SQLE: variants seen among roughly 807,000 people sequenced by gnomAD.
SQLE encodes squalene monooxygenase.
In SQLE, 29 loss-of-function variants were observed where a neutral mutation model predicts 60.7. The observed-to-expected ratio is 0.48, with a 90% confidence interval of 0.36 to 0.65. The LOEUF is 0.65. Ranked by LOEUF, SQLE falls within the 30% of genes least tolerant of loss-of-function variation. SQLE has a pLI of 0.00. For synonymous variants in SQLE, 237 were observed against 246.8 expected (o/e 0.96, Z 0.37); for missense variants, 605 against 684.1 (o/e 0.88, Z 1.29).
intron 1 of SQLE, chr8:125,000,093 A>C: frequency 2.2e-6 from 1 of 460,234 alleles, no homozygotes; most frequent in Non-Finnish European, 4.3e-6. Context: ...GCTTGTAAGA[A>C]GTGACAGCTG....
Position 124,998,651 on chromosome 8 carries a change from C to G in SQLE, c.-753C>G, listed in dbSNP as rs900195934. On this transcript the variant is annotated 5_prime_UTR_variant, in exon 1 of 11. Transcript: ENST00000265896. Reference sequence around the variant, plus strand: ...CGCCGCCGCCATCTGAGGGAGGTACCCTGGAAACCACCTTTTATCGGTGGG... The same window carrying G: ...CGCCGCCGCCATCTGAGGGAGGTACGCTGGAAACCACCTTTTATCGGTGGG... The G allele has an allele frequency of 3.0e-6, 2 of 671,276 alleles. No individual in the cohort carries two copies. Among genetic ancestry groups the G allele is most frequent in the African/African-American group, 3.7e-5 (2 of 54,508 alleles). 41.6% of individuals were successfully genotyped at this position (671,276 alleles called of 1,614,324 possible).
At chr8:125,019,872 A>C (rs985989709) in intron 9 of SQLE, among the ~76,000 whole-genome samples, 2 of 151,528 alleles carry the variant, frequency 1.3e-5, no homozygotes, top group East Asian at 1.9e-4. Context: ...AAAAAACAAA[A>C]CAAAAACCCC....
In SQLE at chr8:125,005,623, A is replaced by G; in HGVS notation, c.643A>G (p.Asn215Asp). The change falls in exon 3 of 11, where the codon AAC (asparagine) becomes GAC (aspartate). Residue 215 changes from asparagine to aspartate, a missense_variant. Transcript: ENST00000265896. Reference sequence around the variant, plus strand: ...TCAGATTCCTTACCCTCTGTCAGAAAACAATCAAGTGCAGAGTGGAAGAGC... The same window carrying G: ...TCAGATTCCTTACCCTCTGTCAGAAGACAATCAAGTGCAGAGTGGAAGAGC... ...EVQIPYPLSENNQVQSGRAFH... is the reference protein window; with the variant it reads ...EVQIPYPLSEDNQVQSGRAFH... 1 of 1,612,496 alleles carries G rather than the reference A, an allele frequency of 6.2e-7. No homozygotes were observed. Among genetic ancestry groups the G allele is most frequent in the South Asian group, 1.1e-5 (1 of 90,824 alleles).
chr8:125,000,120 G>T (rs1415949389), intron 1 of SQLE: 2 of 442,508 alleles, frequency 4.5e-6, no homozygotes, highest in Non-Finnish European at 8.9e-6. Flanking sequence ...GAAAGTGACA[G>T]AACAGTTTGA....
chr8:125,002,520 A>C (rs536143970), intron 1 of SQLE, among the ~76,000 whole-genome samples: 1 of 152,284 alleles, frequency 6.6e-6, no homozygotes, highest in African/African-American at 2.4e-5. Context: ...TCTACTAAAA[A>C]TACAAAATTA....
chr8:125,000,181 T>A (rs1314273911), intron 1 of SQLE: 1 of 388,996 alleles, frequency 2.6e-6, no homozygotes, highest in East Asian at 7.2e-5. Flanking sequence ...GGGCTCAAAG[T>A]TCTCCTCCCC....
rs1814809814 is a variant in SQLE at position 124,999,657 on chromosome 8, C to G, written c.254C>G (p.Pro85Arg). ...FIGFFWAKSP[P>R]ESENKEQLEA... ...GGCTTCTTCTGGGCCAAATCCCCCC[C>G]TGAATCAGAAAATAAGGAGCAGCTC... Residue 85 changes from proline to arginine, a missense_variant, in exon 1 of 11, where the codon CCT becomes CGT. Pro to Arg is a moderately radical substitution (Grantham distance 103). Transcript: ENST00000265896. 3 of 1,608,140 alleles carry G rather than the reference C, an allele frequency of 1.9e-6. No homozygotes were observed. The Admixed American group carries it at 5.1e-5, about 27-fold the overall frequency.
In SQLE at chr8:125,009,251, C is replaced by T; in HGVS notation, c.1016C>T (p.Ser339Phe). 1 of 1,613,858 alleles carries T rather than the reference C, an allele frequency of 6.2e-7. No homozygotes were observed. Among genetic ancestry groups the T allele is most frequent in the East Asian group, 2.2e-5 (1 of 44,868 alleles). The part of the protein sequence containing the change: ...PSPVLIYQIS[S>F]SETRVLVDIR... ...CCAGTTCTCATCTACCAGATTTCAT[C>T]CAGTGAAACTCGAGTACTTGTTGAC... is the stretch of plus-strand genomic sequence containing the variant. Residue 339 changes from serine to phenylalanine, a missense_variant, in exon 6 of 11, where the codon TCC becomes TTC. Coordinates refer to ENST00000265896, the MANE Select transcript of SQLE (RefSeq NM_003129.4).
At chr8:125,011,036 C>T (rs571698318) in intron 6 of SQLE, 10 of 152,328 alleles carry the variant, frequency 6.6e-5, no homozygotes, top group Admixed American at 5.9e-4. Context: ...ATGAGCTGAT[C>T]AAACCATTTC....
At chr8:125,017,891 A>T in intron 7 of SQLE, 168 bp from the exon 8 acceptor site, 1 of 729,556 alleles carries the variant, frequency 1.4e-6, no homozygotes, top group Non-Finnish European at 2.2e-6. Flanking sequence ...TGATTCAAAC[A>T]ACTCTTGAAT....
At chr8:125,002,093 C>T (rs1030513597) in intron 1 of SQLE, among the ~76,000 whole-genome samples, 1 of 152,060 alleles carries the variant, frequency 6.6e-6, no homozygotes, top group African/African-American at 2.4e-5. Flanking sequence ...TTTCCTTGTT[C>T]CTTTTTTGGG....
chr8:125,018,676 G>A lies in SQLE; in HGVS notation c.1393G>A (p.Val465Ile). 5.0e-6 allele frequency: 8 copies of A among 1,606,954 alleles called. No individual in the cohort carries two copies. Among genetic ancestry groups the A allele is most frequent in the Non-Finnish European group, 6.8e-6 (8 of 1,178,192 alleles). The change falls in exon 9 of 11, where the codon GTC (valine) becomes ATC (isoleucine). Residue 465 changes from valine (V) to isoleucine (I), a missense_variant. Physicochemically the swap from Val to Ile is conservative, Grantham distance 29. Transcript: ENST00000265896. Reference protein sequence around the residue: ...YWARKTSHSFVVNILAQALYE... With the variant: ...YWARKTSHSFIVNILAQALYE... ...GGCAAGAAAAACATCTCATTCCTTT[G>A]TCGTGAATATCCTTGCTCAGGCTCT...
chr8:125,002,444 G>T (rs981422668), intron 1 of SQLE, among the ~76,000 whole-genome samples: 4 of 152,220 alleles, frequency 2.6e-5, no homozygotes, highest in African/African-American at 4.8e-5. Context: ...TTGGGAGGCT[G>T]AGGCAGGAGG....
chr8:124,998,772 GAGTCCGAGGCC>G lies in SQLE; in HGVS notation c.-630_-620del. The G allele has an allele frequency of 2.0e-6, 1 of 508,228 alleles. No homozygotes were observed. The highest frequency in any genetic ancestry group is 3.5e-6 in the Non-Finnish European group (1 of 284,780). 31.5% of individuals were successfully genotyped at this position (508,228 alleles called of 1,614,324 possible). ...TGCATTGCCCTGGAGCCGCACTCTT[GAGTCCGAGGCC>G]ATCTTTTGTTGGAGAAGGCGTCGGC... On this transcript the variant is annotated 5_prime_UTR_variant, in exon 1 of 11. Transcript: ENST00000265896.
chr8:125,005,962 T>C (rs542158944), intron 3 of SQLE, among the ~76,000 whole-genome samples: 2 of 152,330 alleles, frequency 1.3e-5, no homozygotes, highest in South Asian at 4.1e-4. Flanking sequence ...ATAATTTTTA[T>C]GTGACGGGAA....
chr8:125,021,541 A>AG (rs34490505), intron 10 of SQLE, among the ~76,000 whole-genome samples: 29,091 of 139,256 alleles, frequency 0.21, 3,583 homozygotes, highest in Middle Eastern at 0.35. Context: ...AAAAAAAAAA[A>AG]GGGGGGTGGG....
intron 6 of SQLE, 34 bp from the exon 7 acceptor site, chr8:125,011,503 A>C (rs1321689939): frequency 6.6e-7 from 1 of 1,516,084 alleles, no homozygotes; most frequent in Non-Finnish European, 9.0e-7. Flanking sequence ...AAGTGTTATG[A>C]CCCATTTCTT....
chr8:125,020,735 C>G lies in SQLE; in HGVS notation c.1445-49C>G, dbSNP rs372615087. On this transcript the variant is annotated intron_variant, in intron 9 of 10. Coordinates refer to ENST00000265896, the MANE Select transcript of SQLE (RefSeq NM_003129.4). ...ATTTTTTCTGATATATCATTAGCAT[C>G]CTACATAAGTGTGTACACATATTTG... 4.6e-5 allele frequency: 53 copies of G among 1,162,658 alleles called. No homozygotes were observed. The African/African-American group carries it at 7.4e-4, about 16-fold the overall frequency. 72.0% of individuals were successfully genotyped at this position (1,162,658 alleles called of 1,614,324 possible). A position where few individuals can be genotyped will look rare whatever the true frequency, so the allele number is the denominator to read the frequency against.
intron 3 of SQLE, 30 bp downstream of exon 3, chr8:125,005,735 C>T (rs1483366689): frequency 6.7e-7 from 1 of 1,484,984 alleles, no homozygotes. Flanking sequence ...TATATAATTA[C>T]TAAAGAATCA....
Sources: gnomAD v4.1 joint callset for allele counts (sites outside exome capture counted in the v4.1 genomes callset) on GRCh38, gnomAD v4.1.1 for gene constraint, MANE v1.5 for transcripts, NCBI Gene and HGNC (gene_info 2026-07-23, HGNC 2026-07-21) for gene names.